Variants in TOGARAM2 observed in about 807,000 individuals in gnomAD.
TOGARAM2 encodes the protein TOG array regulator of axonemal microtubules protein 2.
Under a neutral mutation model 93.3 loss-of-function variants are expected in TOGARAM2, and 85 were observed. The observed-to-expected ratio is 0.91, with a 90% confidence interval of 0.76 to 1.09. TOGARAM2 has a LOEUF of 1.09. TOGARAM2 is among the 50% of genes least tolerant of loss of function. The pLI is 0.00. For synonymous variants in TOGARAM2, 593 were observed against 552.8 expected, an observed-to-expected ratio of 1.07 and a Z score of -1.02; for missense variants, 1,277 against 1,334.5, an observed-to-expected ratio of 0.96 and a Z score of 0.67.
chr2:29,050,816 C>T (rs758451517), intron 19 of TOGARAM2: 3 of 152,252 alleles, frequency 2.0e-5, no homozygotes, highest in Non-Finnish European at 2.9e-5. Context: ...CCTGAGCAGC[C>T]CCTCTGGGGA....
At chr2:29,042,855 T>G (rs1666517596) in intron 18 of TOGARAM2, among the ~76,000 whole-genome samples, 1 of 152,234 alleles carries the variant, frequency 6.6e-6, no homozygotes, top group Non-Finnish European at 1.5e-5. Flanking sequence ...CAGACCATAG[T>G]GGCACAGGGC....
intron 19 of TOGARAM2, 38 bp downstream of exon 19, chr2:29,045,448 C>A: frequency 1.4e-6 from 2 of 1,421,008 alleles, no homozygotes; most frequent in Non-Finnish European, 1.9e-6. Context: ...CATCTCCTGG[C>A]AGATTTCTGT....
intron 18 of TOGARAM2, among the ~76,000 whole-genome samples, chr2:29,041,694 G>T (rs1666448764): frequency 1.3e-5 from 2 of 152,184 alleles, no homozygotes; most frequent in South Asian, 4.1e-4. Context: ...CAGTCTCTGG[G>T]CTGCGGCTAG....
At chr2:29,042,921 T>C (rs1415141866) in intron 18 of TOGARAM2, among the ~76,000 whole-genome samples, 1 of 152,264 alleles carries the variant, frequency 6.6e-6, no homozygotes, top group African/African-American at 2.4e-5. Context: ...TATACGTCTG[T>C]GCTCTAAACT....
intron 17 of TOGARAM2, among the ~76,000 whole-genome samples, chr2:29,036,054 A>T (rs531294933): frequency 6.8e-4 from 103 of 151,636 alleles, no homozygotes; most frequent in Middle Eastern, 6.8e-3. Flanking sequence ...TAGGCTGAAC[A>T]CTCAGGTGGG....
At chr2:28,967,378 G>A (rs1671882020) in intron 1 of TOGARAM2, among the ~76,000 whole-genome samples, 3 of 152,118 alleles carry the variant, frequency 2.0e-5, no homozygotes, top group African/African-American at 4.8e-5. Context: ...AGGAAGATGA[G>A]GTGGGAGGAT....
rs1338929228 is a variant in TOGARAM2, at chr2:29,052,063, T to A, written c.3030T>A (p.Thr1010=). ...DRGVAPDSKT[T]GSSYPFQLD ...GGGTGGCCCCTGACAGCAAGACAAC[T>A]GGCAGCTCATACCCTTTTCAGCTGG... The change falls in exon 20 of 20, where the codon ACT becomes ACA. Residue 1010 remains threonine, a synonymous_variant. Transcript: ENST00000379558. 3 of 1,600,584 alleles carry A rather than the reference T, an allele frequency of 1.9e-6. No homozygotes were observed. The African/African-American group carries it at 4.1e-5, about 22-fold the overall frequency.
At chr2:29,048,592 G>A (rs1666881139) in intron 19 of TOGARAM2, 1 of 151,650 alleles carries the variant, frequency 6.6e-6, no homozygotes, top group African/African-American at 2.4e-5. Flanking sequence ...GAACTGTACA[G>A]TTTGTCTTTT....
intron 13 of TOGARAM2, among the ~76,000 whole-genome samples, chr2:29,026,571 T>C (rs1032553691): frequency 6.6e-6 from 1 of 152,160 alleles, no homozygotes; most frequent in African/African-American, 2.4e-5. Context: ...GAAGGATGTG[T>C]GTGCAGGAAG....
chr2:29,048,868 T>TTTTTTG (rs1666904670), intron 19 of TOGARAM2: 2 of 134,942 alleles, frequency 1.5e-5, no homozygotes, highest in East Asian at 2.0e-4. Flanking sequence ...TTTTTTTTTT[T>TTTTTTG]AGACAGAGTC....
At chr2:29,024,547 A>T (rs1665211803) in intron 13 of TOGARAM2, among the ~76,000 whole-genome samples, 173 bp downstream of exon 13, 1 of 152,098 alleles carries the variant, frequency 6.6e-6, no homozygotes, top group Non-Finnish European at 1.5e-5. Context: ...GATGGGTCAG[A>T]GGTTCTGAGT....
At chr2:29,024,633 T>C (rs1250746040) in intron 13 of TOGARAM2, among the ~76,000 whole-genome samples, 2 of 152,140 alleles carry the variant, frequency 1.3e-5, no homozygotes, top group Non-Finnish European at 2.9e-5. Context: ...TGCTTCCCTG[T>C]GCCGGGCATC....
intron 6 of TOGARAM2, among the ~76,000 whole-genome samples, chr2:29,006,399 A>C (rs1663867404): frequency 8.3e-6 from 1 of 120,370 alleles, no homozygotes; most frequent in South Asian, 2.7e-4. Context: ...CGTGTGTGTG[A>C]GTGCATGTGT....
intron 1 of TOGARAM2, among the ~76,000 whole-genome samples, chr2:28,975,284 G>A (rs1230499116): frequency 1.3e-5 from 2 of 151,904 alleles, no homozygotes; most frequent in Admixed American, 6.6e-5. Flanking sequence ...CACCTCCCAG[G>A]TTCATGCCAT....
intron 19 of TOGARAM2, 100 bp downstream of exon 19, chr2:29,045,510 T>C (rs1489736070): frequency 1.0e-6 from 1 of 974,824 alleles, no homozygotes; most frequent in Admixed American, 1.9e-5. Flanking sequence ...AGACCTGAAA[T>C]AATCCCCCCC....
At chr2:28,974,263 G>A (rs1324687795) in intron 1 of TOGARAM2, among the ~76,000 whole-genome samples, 1 of 151,778 alleles carries the variant, frequency 6.6e-6, no homozygotes, top group Non-Finnish European at 1.5e-5. Context: ...GAGTAGCTGG[G>A]ATTACAGGTG....
chr2:29,016,835 T>G (rs1664605205), intron 8 of TOGARAM2, among the ~76,000 whole-genome samples: 1 of 152,238 alleles, frequency 6.6e-6, no homozygotes, highest in African/African-American at 2.4e-5. Context: ...CCTAGAAATC[T>G]GTGGGGCTGG....
chr2:29,039,479 C>T (rs577686169), intron 18 of TOGARAM2, among the ~76,000 whole-genome samples: 90 of 152,280 alleles, frequency 5.9e-4, no homozygotes, highest in African/African-American at 2.1e-3. Context: ...GGATGGCCTT[C>T]TTGGGGGGAC....
upstream of TOGARAM2, among the ~76,000 whole-genome samples, chr2:28,979,675 T>A (rs1672102114): frequency 6.6e-6 from 1 of 152,180 alleles, no homozygotes; most frequent in South Asian, 2.1e-4. Flanking sequence ...TGCTCGGCCA[T>A]CCAGTGGAGG....
Sources: allele counts gnomAD v4.1 joint callset (sites outside exome capture counted in the v4.1 genomes callset), GRCh38; gene constraint gnomAD v4.1.1; transcripts MANE v1.5; gene names NCBI Gene and HGNC (gene_info 2026-07-23, HGNC 2026-07-21).